Variants in ABI3BP observed in about 807,000 individuals in gnomAD.
The protein encoded by ABI3BP is target of Nesh-SH3.
A neutral mutation model predicts 268.6 loss-of-function variants in ABI3BP; 216 were observed. That is an observed-to-expected ratio of 0.80 (90% CI 0.72 to 0.90). The LOEUF (loss-of-function observed/expected upper bound fraction) is 0.90, where lower values mean the gene tolerates loss of function less well. Ranked by LOEUF, ABI3BP falls within the 40% of genes least tolerant of loss-of-function variation. ABI3BP has a pLI of 0.00. For missense variants in ABI3BP, 2,090 were observed against 2,182.4 expected (o/e 0.96, Z 0.84); for synonymous variants, 730 against 730.0 (o/e 1.00, Z 0.00).
intron 26 of ABI3BP, among the ~76,000 whole-genome samples, chr3:100,837,478 G>A (rs1388360016): frequency 6.6e-6 from 1 of 152,180 alleles, no homozygotes; most frequent in Non-Finnish European, 1.5e-5. Context: ...TGTTGGCCGG[G>A]CACGTTGGCT....
chr3:100,882,664 C>T (rs1432412227), intron 6 of ABI3BP, among the ~76,000 whole-genome samples: 3 of 151,876 alleles, frequency 2.0e-5, no homozygotes, highest in African/African-American at 7.3e-5. Context: ...GCTTCCTAGC[C>T]CTTCCTATCA....
chr3:100,792,628 T>C lies in ABI3BP; in HGVS notation c.4024+63A>G. The C allele has an allele frequency of 7.9e-6, 12 of 1,519,888 alleles. 1 individual carries two copies. In the South Asian group the frequency reaches 1.4e-4, roughly 17 times the overall value. The allele number at this position is 1,519,888 out of a possible 1,614,324, so 94.2% of individuals were successfully genotyped here. A position where few individuals can be genotyped will look rare whatever the true frequency, so the allele number is the denominator to read the frequency against. ...TGAGAAATGACATTCTGAAAGAAAA[T>C]TTCTTTCCTGATTAAAAGCAAATAA... On this transcript the variant is annotated intron_variant, in intron 55 of 67. Transcript: ENST00000471714.
At position 100,815,860 on chromosome 3, in the gene ABI3BP, C is replaced by A. The variant is rs138149117; in HGVS notation, c.3289+52G>T. On this transcript the variant is annotated intron_variant, in intron 44 of 67. Transcript: ENST00000471714. ...CTCTGGTCATGACAGTGCTCAAGTGCGTTTTTAAATGGCAATAAAAAGCAT... is the reference window on the plus strand; with the variant it reads ...CTCTGGTCATGACAGTGCTCAAGTGAGTTTTTAAATGGCAATAAAAAGCAT... The A allele has an allele frequency of 1.7e-3, 2,369 of 1,366,020 alleles. 4 individuals carry two copies. The highest frequency in any genetic ancestry group is 2.2e-3 in the Non-Finnish European group (2,211 of 1,013,122). The allele number at this position is 1,366,020 out of a possible 1,614,324, so 84.6% of individuals were successfully genotyped here.
chr3:100,808,091 A>G, intron 50 of ABI3BP, 70 bp downstream of exon 50: 1 of 1,344,880 alleles, frequency 7.4e-7, no homozygotes, highest in South Asian at 1.2e-5. Flanking sequence ...ATAACTATTA[A>G]TGAACAATTT....
chr3:100,848,162 C>T (rs2098795407), intron 18 of ABI3BP, among the ~76,000 whole-genome samples: 1 of 152,064 alleles, frequency 6.6e-6, no homozygotes, highest in South Asian at 2.1e-4. Context: ...ATTTGAAAAC[C>T]AGAGTCATGT....
chr3:100,903,185 C>T (rs1245976998), intron 2 of ABI3BP, among the ~76,000 whole-genome samples: 1 of 152,094 alleles, frequency 6.6e-6, no homozygotes, highest in Non-Finnish European at 1.5e-5. Context: ...TATGTAATTT[C>T]TCAGCCTGTT....
intron 14 of ABI3BP, among the ~76,000 whole-genome samples, chr3:100,856,115 C>T (rs2098936988): frequency 6.6e-6 from 1 of 152,190 alleles, no homozygotes; most frequent in Non-Finnish European, 1.5e-5. Context: ...GAACTCAATC[C>T]AGTTGGGTGG....
intron 61 of ABI3BP, among the ~76,000 whole-genome samples, chr3:100,773,518 C>T (rs1271886615): frequency 6.6e-6 from 1 of 152,112 alleles, no homozygotes; most frequent in Non-Finnish European, 1.5e-5. Flanking sequence ...AAAGGTAAAA[C>T]AGTACAACTA....
chr3:100,787,423 A>C (rs2097085140), intron 57 of ABI3BP, among the ~76,000 whole-genome samples: 1 of 152,158 alleles, frequency 6.6e-6, no homozygotes, highest in African/African-American at 2.4e-5. Flanking sequence ...GCATTTTGAA[A>C]TTAGGGGAAA....
chr3:100,862,969 T>A, intron 12 of ABI3BP, 60 bp from the exon 13 acceptor site: 1 of 1,321,718 alleles, frequency 7.6e-7, no homozygotes, highest in Admixed American at 2.3e-5. Context: ...GAAAGATTTT[T>A]AAAATTTTAA....
intron 27 of ABI3BP, among the ~76,000 whole-genome samples, chr3:100,836,574 TTTATAATTAA>T (rs1275459776): frequency 2.0e-5 from 3 of 152,142 alleles, no homozygotes; most frequent in Admixed American, 1.3e-4. Context: ...GACAACAATA[TTTATAATTAA>T]TTGCCTTCAA....
At chr3:100,928,470 T>C (rs2062577528) in intron 1 of ABI3BP, among the ~76,000 whole-genome samples, 2 of 152,028 alleles carry the variant, frequency 1.3e-5, no homozygotes, top group South Asian at 4.1e-4. Context: ...ACAGAAAATG[T>C]TCAATTAGGC....
intron 1 of ABI3BP, among the ~76,000 whole-genome samples, chr3:100,932,622 G>A (rs1168741324): frequency 2.6e-5 from 4 of 152,100 alleles, no homozygotes; most frequent in African/African-American, 4.8e-5. Context: ...AATCGTTACA[G>A]AAATGCACAT....
chr3:100,753,098 G>C (rs2095424166), intron 65 of ABI3BP, 150 bp from the exon 66 acceptor site: 1 of 668,700 alleles, frequency 1.5e-6, no homozygotes, highest in African/African-American at 1.8e-5. Flanking sequence ...ATTTAAACAA[G>C]TAAACCCCAG....
chr3:100,991,567 C>A (rs2092922117), intron 1 of ABI3BP, among the ~76,000 whole-genome samples: 1 of 152,162 alleles, frequency 6.6e-6, no homozygotes, highest in Non-Finnish European at 1.5e-5. Context: ...ACAAACAGTG[C>A]ACCTATGCCT....
At chr3:100,929,555 AATCTC>A (rs1356149150) in intron 1 of ABI3BP, among the ~76,000 whole-genome samples, 1 of 152,118 alleles carries the variant, frequency 6.6e-6, no homozygotes, top group African/African-American at 2.4e-5. Flanking sequence ...CATACAGACA[AATCTC>A]ATCTCAACAC....
Position 100,838,554 on chromosome 3 carries a change from A to C in ABI3BP, c.1946-90T>G, listed in dbSNP as rs1210314605. 4.7e-6 allele frequency: 5 copies of C among 1,074,622 alleles called. No individual in the cohort carries two copies. In the African/African-American group the frequency reaches 4.7e-5, roughly 10 times the overall value. 66.6% of individuals were successfully genotyped at this position (1,074,622 alleles called of 1,614,324 possible). On this transcript the variant is annotated intron_variant, in intron 24 of 67. Transcript: ENST00000471714. Reference sequence around the variant, plus strand: ...ATTATGCAGAACAAAGACACTATATAAATTCAACGAATCTATAAACATTTC... The same window carrying C: ...ATTATGCAGAACAAAGACACTATATCAATTCAACGAATCTATAAACATTTC...
At chr3:100,788,450 G>A (rs539247992) in intron 56 of ABI3BP, among the ~76,000 whole-genome samples, 1 of 152,204 alleles carries the variant, frequency 6.6e-6, no homozygotes, top group African/African-American at 2.4e-5. Flanking sequence ...GAGCCATACT[G>A]CTCATCTTTT....
intron 1 of ABI3BP, among the ~76,000 whole-genome samples, chr3:100,980,785 A>G (rs903062192): frequency 3.9e-5 from 6 of 152,348 alleles, no homozygotes; most frequent in Middle Eastern, 6.8e-3. Context: ...CACACTTTAC[A>G]CAGAAACTCA....
Sources: gnomAD v4.1 joint callset for allele counts (sites outside exome capture counted in the v4.1 genomes callset) on GRCh38, gnomAD v4.1.1 for gene constraint, MANE v1.5 for transcripts, NCBI Gene and HGNC (gene_info 2026-07-23, HGNC 2026-07-21) for gene names.